POU2F3: variants seen among roughly 807,000 people sequenced by gnomAD.
POU2F3 encodes the protein POU class 2 homeobox 3.
A neutral mutation model predicts 59.2 loss-of-function variants in POU2F3; 23 were observed. That is an observed-to-expected ratio of 0.39 (90% CI 0.28 to 0.55). The LOEUF (loss-of-function observed/expected upper bound fraction) is 0.55, where lower values mean the gene tolerates loss of function less well. Ranked by LOEUF, POU2F3 falls within the 20% of genes least tolerant of loss-of-function variation. The pLI is 0.66. For missense variants in POU2F3, 473 were observed against 544.5 expected (o/e 0.87, Z 1.31); for synonymous variants, 190 against 214.6 (o/e 0.89, Z 1.00).
intron 3 of POU2F3, among the ~76,000 whole-genome samples, chr11:120,294,435 C>T (rs979078657): frequency 6.6e-6 from 1 of 152,184 alleles, no homozygotes; most frequent in Admixed American, 6.5e-5. Flanking sequence ...TTCTTGATTC[C>T]AGGCAGGCTG....
intron 1 of POU2F3, among the ~76,000 whole-genome samples, chr11:120,245,479 AG>A (rs200133645): frequency 6.6e-6 from 1 of 151,394 alleles, no homozygotes; most frequent in East Asian, 2.0e-4. Flanking sequence ...GCCCCAGAGA[AG>A]GGGGGGTGTG....
At chr11:120,304,962 A>AAG (rs1242515031) in intron 6 of POU2F3, 68 bp from the exon 7 acceptor site, 2 of 1,135,696 alleles carry the variant, frequency 1.8e-6, no homozygotes, top group African/African-American at 1.6e-5. Flanking sequence ...AAAAAAAAAA[A>AAG]AAAAAAAAAT....
At chr11:120,238,107 G>T (rs879642573), upstream of POU2F3, among the ~76,000 whole-genome samples, 8 of 152,122 alleles carry the variant, frequency 5.3e-5, no homozygotes, top group Non-Finnish European at 1.0e-4. Context: ...GGGCATGGTG[G>T]CGCATGCCTG....
chr11:120,314,714 G>A (rs1030944330), intron 10 of POU2F3, among the ~76,000 whole-genome samples: 1 of 152,204 alleles, frequency 6.6e-6, no homozygotes, highest in Non-Finnish European at 1.5e-5. Context: ...GATAGTAACA[G>A]TGAGGGGGAG....
chr11:120,299,561 C>A, intron 4 of POU2F3, 63 bp from the exon 5 acceptor site: 4 of 1,451,306 alleles, frequency 2.8e-6, no homozygotes, highest in Non-Finnish European at 1.9e-6. Context: ...GAGTGGCAGG[C>A]AGATGGGGCT....
At chr11:120,298,101 G>T (rs996062392) in intron 3 of POU2F3, among the ~76,000 whole-genome samples, 164 bp from the exon 4 acceptor site, 7 of 152,126 alleles carry the variant, frequency 4.6e-5, no homozygotes, top group African/African-American at 1.7e-4. Context: ...GGCTGGAAGG[G>T]CACACACAGG....
At chr11:120,269,338 T>C in intron 3 of POU2F3, 94 bp downstream of exon 3, 1 of 1,098,868 alleles carries the variant, frequency 9.1e-7, no homozygotes, top group Non-Finnish European at 1.4e-6. Context: ...TAAGTACAGT[T>C]TGGGGGTGTT....
upstream of POU2F3, among the ~76,000 whole-genome samples, chr11:120,239,183 T>A (rs1938574228): frequency 6.6e-6 from 1 of 152,004 alleles, no homozygotes; most frequent in African/African-American, 2.4e-5. Flanking sequence ...TCATGAGGAG[T>A]CCTGTCTGGG....
intron 3 of POU2F3, among the ~76,000 whole-genome samples, chr11:120,289,353 T>C (rs752774175): frequency 1.3e-5 from 2 of 152,230 alleles, no homozygotes; most frequent in African/African-American, 4.8e-5. Flanking sequence ...ACTTAGGCAA[T>C]TGCGGTAAAT....
At chr11:120,270,206 G>A (rs1235188477) in intron 3 of POU2F3, among the ~76,000 whole-genome samples, 3 of 152,116 alleles carry the variant, frequency 2.0e-5, no homozygotes, top group African/African-American at 7.2e-5. Flanking sequence ...TGGCAGTGGG[G>A]GAGTACTTGC....
intron 9 of POU2F3, among the ~76,000 whole-genome samples, chr11:120,308,508 G>A (rs546036011): frequency 3.9e-5 from 6 of 152,164 alleles, no homozygotes; most frequent in Admixed American, 6.5e-5. Flanking sequence ...GAAAGTGGCC[G>A]GGGCTAGAGA....
intron 11 of POU2F3, among the ~76,000 whole-genome samples, chr11:120,315,741 G>T (rs189508371): frequency 1.3e-5 from 2 of 152,200 alleles, no homozygotes; most frequent in African/African-American, 4.8e-5. Context: ...TAATACTCTA[G>T]TCCTCAAAAA....
At chr11:120,278,387 C>T (rs1294038409) in intron 3 of POU2F3, among the ~76,000 whole-genome samples, 3 of 152,136 alleles carry the variant, frequency 2.0e-5, no homozygotes, top group Non-Finnish European at 2.9e-5. Flanking sequence ...AAACATCTCC[C>T]GGGGTAGCTG....
chr11:120,307,543 T>C lies in POU2F3; in HGVS notation c.834T>C (p.Phe278=), dbSNP rs1459052886. The change falls in exon 9 of 13, where the codon TTT becomes TTC. Residue 278 remains phenylalanine, a synonymous_variant. Transcript: ENST00000543440. The part of the protein sequence containing the change: ...PSSYPSLSEV[F]GRKRKKRTSI... ...CCTACCCCAGCCTCAGTGAAGTATT[T>C]GGTAGGAAGAGAAAGAAACGGACCA... 2 of 1,613,870 alleles carry C rather than the reference T, an allele frequency of 1.2e-6. No homozygotes were observed. Among genetic ancestry groups the C allele is most frequent in the Non-Finnish European group, 1.7e-6 (2 of 1,179,982 alleles).
chr11:120,279,831 A>C (rs1013159857), intron 3 of POU2F3, among the ~76,000 whole-genome samples: 2 of 152,220 alleles, frequency 1.3e-5, no homozygotes, highest in Admixed American at 6.5e-5. Flanking sequence ...CTGGTCTACC[A>C]GACAGCCCCA....
At chr11:120,298,452 G>A (rs1051452274) in intron 4 of POU2F3, 62 bp downstream of exon 4, 27 of 1,596,190 alleles carry the variant, frequency 1.7e-5, no homozygotes, top group Admixed American at 1.1e-4. Context: ...TGAAATGCTC[G>A]ACTTCCATGC....
At chr11:120,286,183 C>T (rs1940774887) in intron 3 of POU2F3, among the ~76,000 whole-genome samples, 1 of 152,214 alleles carries the variant, frequency 6.6e-6, no homozygotes, top group Admixed American at 6.5e-5. Context: ...CTGCACCTGG[C>T]TTGTTCTATT....
At position 120,272,985 on chromosome 11, in the gene POU2F3, G is replaced by A. The variant is rs117210487; in HGVS notation, c.132+3741G>A. Among the ~76,000 whole-genome samples, 548 of 152,256 alleles carry A rather than the reference G, an allele frequency of 3.6e-3. 4 individuals are homozygous for A. The highest frequency in any genetic ancestry group is 6.0e-3 in the Non-Finnish European group (406 of 68,026). On this transcript the variant is annotated intron_variant, in intron 3 of 12. Transcript: ENST00000543440. ...AGGCCCCAAACAGTCTTCATGTTAC[G>A]GTGTCATTACTTATCTCTTGCCATA...
chr11:120,267,838 C>T (rs1433170333), intron 2 of POU2F3, among the ~76,000 whole-genome samples: 2 of 70,034 alleles, frequency 2.9e-5, no homozygotes, highest in Non-Finnish European at 2.3e-5. Context: ...TATGCATATG[C>T]TGCGTAGTGC....
Sources: gnomAD v4.1 joint callset for allele counts (sites outside exome capture counted in the v4.1 genomes callset) on GRCh38, gnomAD v4.1.1 for gene constraint, MANE v1.5 for transcripts, NCBI Gene and HGNC (gene_info 2026-07-23, HGNC 2026-07-21) for gene names.